The following MERTK variants were observed in gnomAD, a reference collection of about 807,000 sequenced individuals.
MERTK encodes MER proto-oncogene, tyrosine kinase.
Under a neutral mutation model 99.3 loss-of-function variants are expected in MERTK, and 69 were observed. The ratio of observed to expected loss-of-function variants is 0.70; its 90% CI spans 0.57 to 0.85. The LOEUF (loss-of-function observed/expected upper bound fraction) is 0.85, where lower values mean the gene tolerates loss of function less well. Among genes scored for constraint, MERTK ranks in the 40% least tolerant of loss-of-function variants. The pLI, the probability that MERTK is intolerant of heterozygous loss-of-function variation, is 0.00. For missense variants in MERTK, 1,125 were observed against 1,249.4 expected (o/e 0.90, Z 1.50); for synonymous variants, 426 against 467.6 (o/e 0.91, Z 1.15).
chr2:111,929,018 AG>A lies in MERTK; in HGVS notation c.62-100del, dbSNP rs1222475197. ...CTGCTTATCTTTTCCTGGGGCACAG[AG>A]GACACCCCAGTGCTCTCTCTTCTTG... On this transcript the variant is annotated intron_variant, in intron 1 of 18. Transcript: ENST00000295408. The A allele has an allele frequency of 2.6e-6, 3 of 1,156,314 alleles. No homozygotes were observed. In the African/African-American group the frequency reaches 4.6e-5, roughly 18 times the overall value. The allele number at this position is 1,156,314 out of a possible 1,614,324, so 71.6% of individuals were successfully genotyped here. A position where few individuals can be genotyped will look rare whatever the true frequency, so the allele number is the denominator to read the frequency against.
At chr2:111,920,825 T>C (rs1684443044) in intron 1 of MERTK, among the ~76,000 whole-genome samples, 2 of 152,016 alleles carry the variant, frequency 1.3e-5, no homozygotes, top group African/African-American at 4.8e-5. Flanking sequence ...TGGCTACTTT[T>C]TGTATTTTTT....
intron 2 of MERTK, among the ~76,000 whole-genome samples, chr2:111,933,409 G>A (rs979417628): frequency 1.3e-5 from 2 of 152,202 alleles, no homozygotes; most frequent in African/African-American, 2.4e-5. Context: ...TGCCATTAGC[G>A]ACATCTATGT....
At chr2:111,911,033 A>T (rs1392851078) in intron 1 of MERTK, among the ~76,000 whole-genome samples, 1 of 152,160 alleles carries the variant, frequency 6.6e-6, no homozygotes, top group Non-Finnish European at 1.5e-5. Flanking sequence ...ACTCAATACG[A>T]AGCCCTATGC....
At chr2:112,015,427 C>T (rs1185952581) in intron 15 of MERTK, among the ~76,000 whole-genome samples, 1 of 152,174 alleles carries the variant, frequency 6.6e-6, no homozygotes, top group Non-Finnish European at 1.5e-5. Context: ...TCCCGAATGA[C>T]TAATGATGTT....
chr2:112,005,407 G>A (rs1395124860), intron 13 of MERTK, among the ~76,000 whole-genome samples: 1 of 152,164 alleles, frequency 6.6e-6, no homozygotes. Context: ...ATAGTGACTT[G>A]CTGACTTGTC....
chr2:111,912,351 A>G lies in MERTK; in HGVS notation c.61+13555A>G, dbSNP rs1573564584. Among the ~76,000 whole-genome samples, 4 of 152,170 alleles carry G rather than the reference A, an allele frequency of 2.6e-5. 1 individual carries two copies. The stretch of plus-strand genomic sequence containing the variant: ...CATTTAGGTTTTCCTGAATTTTTCT[A>G]TTACAAACAACGTTGCCATGAACAT... On this transcript the variant is annotated intron_variant, in intron 1 of 18. Coordinates refer to ENST00000295408, the MANE Select transcript of MERTK (RefSeq NM_006343.3).
intron 4 of MERTK, among the ~76,000 whole-genome samples, chr2:111,956,047 A>G (rs1319699902): frequency 6.6e-6 from 1 of 152,088 alleles, no homozygotes; most frequent in Non-Finnish European, 1.5e-5. Flanking sequence ...CAGCAAACCA[A>G]CATGGCACAT....
chr2:111,926,712 C>A (rs2104683787), intron 1 of MERTK, among the ~76,000 whole-genome samples: 1 of 152,310 alleles, frequency 6.6e-6, no homozygotes, highest in South Asian at 2.1e-4. Flanking sequence ...AGCCTGGTGA[C>A]AGAGCGAGAC....
intron 7 of MERTK, 51 bp from the exon 8 acceptor site, chr2:111,982,791 T>C: frequency 6.3e-7 from 1 of 1,599,852 alleles, no homozygotes; most frequent in Non-Finnish European, 8.6e-7. Context: ...TGAGAATACA[T>C]CTGTGTGTGC....
chr2:111,970,218 G>A (rs542696466), intron 6 of MERTK, among the ~76,000 whole-genome samples: 8 of 151,446 alleles, frequency 5.3e-5, no homozygotes, highest in African/African-American at 1.5e-4. Flanking sequence ...GTGCAGTGGT[G>A]TGATCTCGGC....
chr2:112,000,849 T>C (rs1676853402), intron 10 of MERTK, among the ~76,000 whole-genome samples: 1 of 152,212 alleles, frequency 6.6e-6, no homozygotes, highest in Non-Finnish European at 1.5e-5. Flanking sequence ...TTGGTGTCTT[T>C]TCTTCCATTC....
intron 16 of MERTK, among the ~76,000 whole-genome samples, chr2:112,021,171 G>A (rs1558810624): frequency 6.6e-6 from 1 of 152,050 alleles, no homozygotes; most frequent in Admixed American, 6.6e-5. Context: ...CTGCACACCA[G>A]CCTGGGTGAC....
chr2:111,941,014 G>A, intron 2 of MERTK: 1 of 553,032 alleles, frequency 1.8e-6, no homozygotes, highest in South Asian at 1.6e-5. Flanking sequence ...GTAGTCAAGA[G>A]CCGTCAGCTT....
chr2:111,921,679 G>C (rs911463968), intron 1 of MERTK, among the ~76,000 whole-genome samples: 6 of 152,134 alleles, frequency 3.9e-5, no homozygotes, highest in African/African-American at 1.4e-4. Flanking sequence ...ATGTGTGCTT[G>C]AGTTGGGAAG....
At position 111,911,531 on chromosome 2, in the gene MERTK, G is replaced by T. The variant is rs186281598; in HGVS notation, c.61+12735G>T. Among the ~76,000 whole-genome samples, 652 of 151,744 alleles carry T rather than the reference G, an allele frequency of 4.3e-3. 2 individuals carry two copies. Among genetic ancestry groups the T allele is most frequent in the Admixed American group, 7.3e-3 (111 of 15,212 alleles). On this transcript the variant is annotated intron_variant, in intron 1 of 18. Transcript: ENST00000295408. ...AGTCTCCCGAGTAGTTGGGATTACA[G>T]GTGCACACCACCATGCCCAGCTAAT...
At chr2:111,988,312 G>T (rs1430980291) in intron 8 of MERTK, among the ~76,000 whole-genome samples, 1 of 152,182 alleles carries the variant, frequency 6.6e-6, no homozygotes, top group African/African-American at 2.4e-5. Flanking sequence ...CTCATGGCCA[G>T]CCAGGGATCT....
At chr2:112,019,215 CAAG>C in intron 15 of MERTK, 195 bp from the exon 16 acceptor site, 1 of 706,566 alleles carries the variant, frequency 1.4e-6, no homozygotes, top group East Asian at 2.6e-5. Context: ...TGATGTTTGC[CAAG>C]AAGTTTAAGG....
intron 1 of MERTK, 36 bp downstream of exon 1, chr2:111,898,832 G>A (rs1683976542): frequency 6.4e-7 from 1 of 1,562,238 alleles, no homozygotes; most frequent in South Asian, 1.2e-5. Flanking sequence ...GCGAGGGGGT[G>A]GGGGCTCCCA....
At chr2:111,929,004 T>G (rs1243051854) in intron 1 of MERTK, 116 bp from the exon 2 acceptor site, 13 of 1,012,118 alleles carry the variant, frequency 1.3e-5, no homozygotes, top group Non-Finnish European at 1.8e-5. Flanking sequence ...TGCTTATCTT[T>G]TCCTGGGGCA....
Sources: allele counts gnomAD v4.1 joint callset (sites outside exome capture counted in the v4.1 genomes callset), GRCh38; gene constraint gnomAD v4.1.1; transcripts MANE v1.5; gene names NCBI Gene and HGNC (gene_info 2026-07-23, HGNC 2026-07-21).